The following BMPER variants were observed in gnomAD, a reference collection of about 807,000 sequenced individuals.
BMPER encodes the protein BMP-binding endothelial regulator protein.
BMPER carries 45 observed loss-of-function variants against 87.3 expected under a neutral mutation model. The ratio of observed to expected loss-of-function variants is 0.52; its 90% CI spans 0.41 to 0.66. The LOEUF is 0.66. Ranked by LOEUF, BMPER falls within the 30% of genes least tolerant of loss-of-function variation. BMPER has a pLI of 0.00. For missense variants in BMPER, 784 were observed against 867.5 expected, an observed-to-expected ratio of 0.90 and a Z score of 1.21; for synonymous variants, 326 against 316.2, an observed-to-expected ratio of 1.03 and a Z score of -0.33.
At chr7:34,085,682 A>G in intron 12 of BMPER, 74 bp from the exon 13 acceptor site, 1 of 1,340,086 alleles carries the variant, frequency 7.5e-7, no homozygotes. Context: ...TGTTCTGTGT[A>G]AGGATGTATA....
chr7:33,936,715 TC>T (rs1784611826), intron 2 of BMPER, among the ~76,000 whole-genome samples: 1 of 152,142 alleles, frequency 6.6e-6, no homozygotes, highest in African/African-American at 2.4e-5. Context: ...AACACAGCTG[TC>T]CCACAGCTAG....
Position 33,905,645 on chromosome 7 carries a change from C to G in BMPER, c.32C>G (p.Ala11Gly). 6.2e-7 allele frequency: 1 copy of G among 1,613,296 alleles called. No homozygotes were observed. Among genetic ancestry groups the G allele is most frequent in the Non-Finnish European group, 8.5e-7 (1 of 1,179,932 alleles). The change falls in exon 1 of 15, where the codon GCT becomes GGT. Residue 11 changes from alanine to glycine, a missense_variant. Transcript: ENST00000649409. MLWFSGVGAL[A>G]ERYCRRSPGI... Reference sequence around the variant, plus strand: ...TGGTTCTCCGGCGTCGGGGCTCTGGCTGAGCGTTACTGCCGCCGCTCGCCT... The same window carrying G: ...TGGTTCTCCGGCGTCGGGGCTCTGGGTGAGCGTTACTGCCGCCGCTCGCCT...
chr7:33,925,884 G>C (rs1331952064), intron 2 of BMPER, among the ~76,000 whole-genome samples: 3 of 152,116 alleles, frequency 2.0e-5, no homozygotes, highest in Non-Finnish European at 4.4e-5. Context: ...CTTTTTAAAG[G>C]CTCATTTCAG....
intron 6 of BMPER, among the ~76,000 whole-genome samples, chr7:34,023,941 A>G (rs1044881283): frequency 1.3e-5 from 2 of 151,390 alleles, no homozygotes; most frequent in African/African-American, 4.9e-5. Flanking sequence ...CTGTTAAAGT[A>G]TGCCAAAGTT....
chr7:33,938,399 C>T (rs1784663065), intron 3 of BMPER, among the ~76,000 whole-genome samples: 1 of 152,128 alleles, frequency 6.6e-6, no homozygotes, highest in Non-Finnish European at 1.5e-5. Flanking sequence ...ATTTGGGTGG[C>T]CCCAAATCCA....
At chr7:34,096,013 A>T (rs12701343) in intron 13 of BMPER, among the ~76,000 whole-genome samples, 10 of 152,134 alleles carry the variant, frequency 6.6e-5, no homozygotes, top group Admixed American at 4.6e-4. Flanking sequence ...TGTAAATCCC[A>T]GATGGAATGA....
At chr7:34,084,073 G>A (rs2127976274) in intron 12 of BMPER, among the ~76,000 whole-genome samples, 1 of 151,586 alleles carries the variant, frequency 6.6e-6, no homozygotes, top group South Asian at 2.1e-4. Flanking sequence ...GGAAGCCAAG[G>A]CGAGTGGATT....
chr7:34,115,040 A>G (rs1246388162), intron 13 of BMPER, among the ~76,000 whole-genome samples: 4 of 152,358 alleles, frequency 2.6e-5, no homozygotes, highest in African/African-American at 9.6e-5. Flanking sequence ...ATTTTCACCA[A>G]TGAATGGTTC....
At chr7:34,058,019 GCCTC>G in intron 9 of BMPER, 36 bp from the exon 10 acceptor site, 2 of 1,585,834 alleles carry the variant, frequency 1.3e-6, no homozygotes, top group Non-Finnish European at 1.7e-6. Flanking sequence ...ACTCCTGTCA[GCCTC>G]CAGCTGCTGA....
chr7:33,990,139 C>G (rs952147777), intron 6 of BMPER, among the ~76,000 whole-genome samples: 3 of 146,052 alleles, frequency 2.1e-5, no homozygotes, highest in African/African-American at 7.4e-5. Flanking sequence ...GTAGTTTTTT[C>G]CAATTCTGTG....
intron 11 of BMPER, among the ~76,000 whole-genome samples, chr7:34,065,199 A>ACTCTCTCTCTCTCTCTCTCTCTCTCTCT (rs372015069): frequency 1.1e-5 from 1 of 94,122 alleles, no homozygotes; most frequent in African/African-American, 3.9e-5. Flanking sequence ...ACACATACAC[A>ACTCTCTCTCTCTCTCTCTCTCTCTCTCT]CTCACTCTCT....
chr7:34,056,617 T>A (rs936809542), intron 9 of BMPER, among the ~76,000 whole-genome samples: 1 of 108,418 alleles, frequency 9.2e-6, no homozygotes, highest in Non-Finnish European at 1.8e-5. Flanking sequence ...TGCAATGCAC[T>A]TTTTTTTTTT....
intron 14 of BMPER, among the ~76,000 whole-genome samples, chr7:34,145,173 C>A (rs1211921020): frequency 6.6e-6 from 1 of 152,096 alleles, no homozygotes; most frequent in Non-Finnish European, 1.5e-5. Context: ...TGTTGAAACC[C>A]CTGAGTTAGT....
chr7:34,015,547 A>G (rs374585993), intron 6 of BMPER, among the ~76,000 whole-genome samples: 22 of 152,070 alleles, frequency 1.4e-4, no homozygotes, highest in African/African-American at 5.1e-4. Flanking sequence ...GCTGCCTGTG[A>G]CAGAGCTTCC....
At chr7:34,107,671 G>C (rs1789857259) in intron 13 of BMPER, among the ~76,000 whole-genome samples, 1 of 152,142 alleles carries the variant, frequency 6.6e-6, no homozygotes, top group Admixed American at 6.5e-5. Context: ...AGCTCTCTGT[G>C]TTTTAGGATT....
intron 13 of BMPER, among the ~76,000 whole-genome samples, chr7:34,139,602 C>A (rs1245277347): frequency 1.3e-5 from 2 of 152,178 alleles, no homozygotes; most frequent in Non-Finnish European, 2.9e-5. Context: ...TTAAGGAGAA[C>A]CGCAATCCAC....
chr7:33,990,167 C>A (rs1033668381), intron 6 of BMPER, among the ~76,000 whole-genome samples: 10 of 150,324 alleles, frequency 6.7e-5, no homozygotes, highest in Admixed American at 6.0e-4. Context: ...TCATTGGTAG[C>A]TTGATGGGGA....
At chr7:34,134,203 G>A (rs1010167664) in intron 13 of BMPER, among the ~76,000 whole-genome samples, 18 of 152,246 alleles carry the variant, frequency 1.2e-4, no homozygotes, top group South Asian at 2.1e-4. Flanking sequence ...TTTACAGTAA[G>A]CATGACGGTG....
intron 11 of BMPER, among the ~76,000 whole-genome samples, chr7:34,064,778 C>T (rs993217702): frequency 6.6e-6 from 1 of 152,226 alleles, no homozygotes; most frequent in Non-Finnish European, 1.5e-5. Flanking sequence ...CATCTGTTTA[C>T]TCTCTCCTGC....
Sources: gnomAD v4.1 joint callset for allele counts (sites outside exome capture counted in the v4.1 genomes callset) on GRCh38, gnomAD v4.1.1 for gene constraint, MANE v1.5 for transcripts, NCBI Gene and HGNC (gene_info 2026-07-23, HGNC 2026-07-21) for gene names.